The following ALKBH1 variants were observed in gnomAD, a reference collection of about 807,000 sequenced individuals.
ALKBH1 encodes the protein nucleic acid dioxygenase ALKBH1.
In ALKBH1, 31 loss-of-function variants were observed where a neutral mutation model predicts 36.6. The ratio of observed to expected loss-of-function variants is 0.85; its 90% confidence interval spans 0.64 to 1.14. ALKBH1 has a LOEUF of 1.14. Among genes scored for constraint, ALKBH1 ranks in the 50% most tolerant of loss-of-function variants. ALKBH1 has a pLI of 0.00. For missense variants in ALKBH1, 490 were observed against 497.3 expected (o/e 0.99, Z 0.14); for synonymous variants, 183 against 186.6 (o/e 0.98, Z 0.16).
intron 2 of ALKBH1, chr14:77,697,507 C>T (rs756289182): frequency 3.3e-5 from 5 of 152,574 alleles, no homozygotes; most frequent in African/African-American, 4.8e-5. Context: ...AAGTGACTCT[C>T]GATGTCACTG....
At chr14:77,676,278 C>T (rs72685246) in intron 4 of ALKBH1, among the ~76,000 whole-genome samples, 3 of 151,870 alleles carry the variant, frequency 2.0e-5, no homozygotes, top group Admixed American at 6.6e-5. Context: ...CCACTGTGCC[C>T]GGTCTATCCA....
intron 2 of ALKBH1, among the ~76,000 whole-genome samples, chr14:77,700,821 T>C (rs1255846746): frequency 6.6e-6 from 1 of 152,074 alleles, no homozygotes; most frequent in Non-Finnish European, 1.5e-5. Flanking sequence ...GGCACAGTGG[T>C]TCAGGTCTGT....
rs1454962045 is a variant in ALKBH1 at position 77,673,245 on chromosome 14, A to C, written c.*567T>G. The C allele has an allele frequency of 2.0e-5, 3 of 152,834 alleles. No homozygotes were observed. Among genetic ancestry groups the C allele is most frequent in the Admixed American group, 6.5e-5 (1 of 15,382 alleles). 9.5% of individuals were successfully genotyped at this position (152,834 alleles called of 1,614,324 possible). On this transcript the variant is annotated 3_prime_UTR_variant, in exon 6 of 6. Coordinates refer to ENST00000216489, the MANE Select transcript of ALKBH1 (RefSeq NM_006020.3). The stretch of plus-strand genomic sequence containing the variant: ...TAGGCAAGAGAGATAGTTGTGATTA[A>C]TTTCTTTTCTAAAAGACAAGATTTT...
At chr14:77,704,563 G>C (rs890903813) in intron 1 of ALKBH1, 86 bp from the exon 2 acceptor site, 16 of 966,006 alleles carry the variant, frequency 1.7e-5, no homozygotes, top group Admixed American at 1.1e-4. Context: ...CACATTTCTT[G>C]TATGAGGCAA....
intron 3 of ALKBH1, 60 bp from the exon 4 acceptor site, chr14:77,680,030 G>T: frequency 1.5e-6 from 2 of 1,319,166 alleles, no homozygotes; most frequent in Non-Finnish European, 2.2e-6. Context: ...ATAGCCGTTT[G>T]TATGGACTCT....
chr14:77,693,524 C>T (rs565667171), intron 3 of ALKBH1, among the ~76,000 whole-genome samples: 2 of 152,180 alleles, frequency 1.3e-5, no homozygotes, highest in Non-Finnish European at 2.9e-5. Flanking sequence ...AAGTACACAT[C>T]CTATGCTCTT....
chr14:77,695,214 C>T (rs964357501), intron 2 of ALKBH1, among the ~76,000 whole-genome samples: 13 of 152,084 alleles, frequency 8.5e-5, no homozygotes, highest in Non-Finnish European at 1.9e-4. Context: ...TAGAGTCATC[C>T]GAGACTTCTT....
At position 77,707,948 on chromosome 14, in the gene ALKBH1, C is replaced by T. The variant is rs897451887; in HGVS notation, c.57G>A (p.Gly19=). The change falls in exon 1 of 6, where the codon GGG becomes GGA. Residue 19 remains glycine (G), a synonymous_variant. Coordinates refer to ENST00000216489, the MANE Select transcript of ALKBH1 (RefSeq NM_006020.3). The stretch of plus-strand genomic sequence containing the variant: ...GGAAAAGTTTCCGAAAGGCGTCCTC[C>T]CCGGGCTCAGTCGCCAGAGTCGCCA... The part of the protein sequence containing the change: ...GSVATLATEP[G]EDAFRKLFRF... The T allele has an allele frequency of 6.2e-7, 1 of 1,613,204 alleles. No individual in the cohort carries two copies. The highest frequency in any genetic ancestry group is 1.3e-5 in the African/African-American group (1 of 74,942).
In ALKBH1 at chr14:77,674,061, T is replaced by G; in HGVS notation, c.921A>C (p.Ala307=). Reference sequence around the variant, plus strand: ...CTCTCGGGAGGACAGCAGGGAGAGGTGCCTCTAGGCAGTGAGGCAGGCCTT... The same window carrying G: ...CTCTCGGGAGGACAGCAGGGAGAGGGGCCTCTAGGCAGTGAGGCAGGCCTT... ...EGEGLPHCLE[A]PLPAVLPRDS... Residue 307 remains alanine, a synonymous_variant, in exon 6 of 6, where the codon GCA becomes GCC. Coordinates refer to ENST00000216489, the MANE Select transcript of ALKBH1 (RefSeq NM_006020.3). 1 of 1,614,032 alleles carries G rather than the reference T, an allele frequency of 6.2e-7. No homozygotes were observed. The highest frequency in any genetic ancestry group is 8.5e-7 in the Non-Finnish European group (1 of 1,180,006).
At chr14:77,685,930 G>A (rs1057318695) in intron 3 of ALKBH1, among the ~76,000 whole-genome samples, 1 of 152,044 alleles carries the variant, frequency 6.6e-6, no homozygotes, top group Non-Finnish European at 1.5e-5. Context: ...GCCATTTTGG[G>A]GGCAATGACA....
chr14:77,705,998 T>C (rs1435734791), intron 1 of ALKBH1, among the ~76,000 whole-genome samples: 1 of 151,978 alleles, frequency 6.6e-6, no homozygotes, highest in Non-Finnish European at 1.5e-5. Flanking sequence ...GAGGTTGCAG[T>C]GAGCCAAGAT....
rs928168208 is a variant in ALKBH1, at chr14:77,706,715, G to C, written c.183+1107C>G. ...AATGTAGGTAAAAGGAGCTGAATGA[G>C]AGTCTGAAGCGCTCTGGAGAGAAAA... On this transcript the variant is annotated intron_variant, in intron 1 of 5. Transcript: ENST00000216489. 2.0e-5 allele frequency among the ~76,000 whole-genome samples: 3 copies of C among 152,218 alleles called. No individual in the cohort carries two copies. The East Asian group carries it at 5.8e-4, about 29-fold the overall frequency.
At position 77,704,489 on chromosome 14, in the gene ALKBH1, G is replaced by A. The variant is rs2080377452; in HGVS notation, c.184-12C>T. 5 of 1,606,318 alleles carry A rather than the reference G, an allele frequency of 3.1e-6. No individual in the cohort carries two copies. In the Admixed American group the frequency reaches 8.3e-5, roughly 27 times the overall value. On this transcript the variant is annotated splice_polypyrimidine_tract_variant and intron_variant, in intron 1 of 5. Transcript: ENST00000216489. ...TGAGATTTGATCACCTGGCAGGAAG[G>A]AAACAGAAGTTAAAGGACTAAATCT...
chr14:77,695,351 G>A (rs1289531074), intron 2 of ALKBH1, among the ~76,000 whole-genome samples: 1 of 152,156 alleles, frequency 6.6e-6, no homozygotes, highest in Admixed American at 6.6e-5. Context: ...TTTTCTCTCA[G>A]TTTCAAATCC....
Position 77,694,808 on chromosome 14 carries a change from A to G in ALKBH1, c.385T>C (p.Cys129Arg), listed in dbSNP as rs1324823156. The G allele has an allele frequency of 2.5e-6, 4 of 1,608,272 alleles. No individual in the cohort carries two copies. The highest frequency in any genetic ancestry group is 4.5e-5 in the East Asian group (2 of 44,734). Residue 129 changes from cysteine (C) to arginine (R), a missense_variant, in exon 3 of 6, where the codon TGT (cysteine) becomes CGT (arginine). Physicochemically the swap from Cys to Arg is radical, Grantham distance 180. Coordinates refer to ENST00000216489, the MANE Select transcript of ALKBH1 (RefSeq NM_006020.3). ...TTAGACATGTGTTTGTCCAGGTTAC[A>G]TACATTAGGTTTCTGGGAATATAAC... ...LKLYSQKPNV[C>R]NLDKHMSKEE... is the part of the protein sequence containing the mutation.
In ALKBH1 at chr14:77,707,974, C is replaced by T; in HGVS notation, c.31G>A (p.Val11Met). Residue 11 changes from valine to methionine, a missense_variant, in exon 1 of 6, where the codon GTG (valine) becomes ATG (methionine). Coordinates refer to ENST00000216489, the MANE Select transcript of ALKBH1 (RefSeq NM_006020.3). ...CCGGGCTCAGTCGCCAGAGTCGCCA[C>T]AGAGCCCACGGCCGCTGCCATCTTC... The part of the protein sequence containing the change: MGKMAAAVGS[V>M]ATLATEPGED... 2 of 1,612,858 alleles carry T rather than the reference C, an allele frequency of 1.2e-6. No homozygotes were observed. Among genetic ancestry groups the T allele is most frequent in the South Asian group, 1.1e-5 (1 of 90,966 alleles).
intron 1 of ALKBH1, among the ~76,000 whole-genome samples, chr14:77,707,493 C>T (rs2080401443): frequency 6.6e-6 from 1 of 152,078 alleles, no homozygotes; most frequent in African/African-American, 2.4e-5. Flanking sequence ...CAGAAGTCTA[C>T]CCTACCGTCT....
At chr14:77,700,214 A>G (rs1456638129) in intron 2 of ALKBH1, among the ~76,000 whole-genome samples, 1 of 152,234 alleles carries the variant, frequency 6.6e-6, no homozygotes, top group Non-Finnish European at 1.5e-5. Flanking sequence ...AGAAATACAC[A>G]GGAAATAACC....
chr14:77,673,793 A>C lies in ALKBH1; in HGVS notation c.*19T>G, dbSNP rs748217380. 3.1e-6 allele frequency: 5 copies of C among 1,598,702 alleles called. No individual in the cohort carries two copies. The South Asian group carries it at 4.5e-5, about 14-fold the overall frequency. On this transcript the variant is annotated 3_prime_UTR_variant, in exon 6 of 6. Transcript: ENST00000216489. ...ACGGTAAGCAGGTGCCTGAGTAAAA[A>C]GGATGGGATCTCCAAGTCTCAGCTG...
Sources: gnomAD v4.1 joint callset for allele counts (sites outside exome capture counted in the v4.1 genomes callset) on GRCh38, gnomAD v4.1.1 for gene constraint, MANE v1.5 for transcripts, NCBI Gene and HGNC (gene_info 2026-07-23, HGNC 2026-07-21) for gene names.